Variants in PCDHGB6 observed in about 807,000 individuals in gnomAD.
PCDHGB6 encodes protocadherin gamma-B6.
In PCDHGB6, 51 loss-of-function variants were observed where a neutral mutation model predicts 59.1. The observed-to-expected ratio is 0.86, with a 90% CI of 0.69 to 1.09. The LOEUF is 1.09. Ranked by LOEUF, PCDHGB6 falls within the 50% of genes least tolerant of loss-of-function variation. The pLI is 0.00. For synonymous variants in PCDHGB6, 466 were observed against 495.1 expected, an observed-to-expected ratio of 0.94 and a Z score of 0.78; for missense variants, 1,148 against 1,205.1, an observed-to-expected ratio of 0.95 and a Z score of 0.70.
intron 1 of PCDHGB6, among the ~76,000 whole-genome samples, chr5:141,457,594 TA>T (rs1239366532): frequency 6.6e-6 from 1 of 152,250 alleles, no homozygotes; most frequent in Non-Finnish European, 1.5e-5. Flanking sequence ...TCATTTTTGG[TA>T]AAAACTAATT....
chr5:141,419,681 G>T (rs377117997), intron 1 of PCDHGB6: 89 of 1,612,904 alleles, frequency 5.5e-5, no homozygotes, highest in Non-Finnish European at 7.0e-5. Flanking sequence ...GTCCTACCAC[G>T]TGGTGCAGGC....
At chr5:141,501,402 G>T (rs527659990) in intron 2 of PCDHGB6, among the ~76,000 whole-genome samples, 1 of 151,622 alleles carries the variant, frequency 6.6e-6, no homozygotes, top group African/African-American at 2.4e-5. Context: ...ACAGGCCACT[G>T]CTTGGAAAAT....
At chr5:141,415,176 C>A in intron 1 of PCDHGB6, 2 of 1,613,934 alleles carry the variant, frequency 1.2e-6, no homozygotes, top group Non-Finnish European at 1.7e-6. Context: ...TCACCGTGGC[C>A]GTGGCCGACA....
At chr5:141,422,849 C>G in intron 1 of PCDHGB6, 1 of 1,614,238 alleles carries the variant, frequency 6.2e-7, no homozygotes, top group East Asian at 2.2e-5. Flanking sequence ...AGCGGGGACC[C>G]GCCCCTCAGC....
In PCDHGB6 at chr5:141,432,704, C is replaced by T; in HGVS notation, c.2418+22084C>T. ...GAGCCTCGTAGTGGCCGTCCAGGAC[C>T]ACGGCCAGCCCCCTCTCTCCGCCAC... is the stretch of plus-strand genomic sequence containing the variant. On this transcript the variant is annotated intron_variant, in intron 1 of 3. Coordinates refer to ENST00000520790, the MANE Select transcript of PCDHGB6 (RefSeq NM_018926.3). The surrounding 1 kb of genome is among the most constrained non-coding windows in gnomAD (Gnocchi z 6.0). The T allele has an allele frequency of 6.2e-7, 1 of 1,613,966 alleles. No homozygotes were observed. The highest frequency in any genetic ancestry group is 8.5e-7 in the Non-Finnish European group (1 of 1,179,976).
At chr5:141,426,116 G>A (rs1324245739) in intron 1 of PCDHGB6, among the ~76,000 whole-genome samples, 3 of 152,232 alleles carry the variant, frequency 2.0e-5, no homozygotes, top group African/African-American at 7.2e-5. Context: ...AAGCAAGTCG[G>A]AGAGTGGCCA....
chr5:141,503,024 A>G (rs574653661), intron 2 of PCDHGB6, among the ~76,000 whole-genome samples: 2 of 150,210 alleles, frequency 1.3e-5, no homozygotes, highest in South Asian at 2.1e-4. Context: ...TTTTTTTTTA[A>G]TATCTATTTT....
Position 141,408,313 on chromosome 5 carries a change from T to G in PCDHGB6, c.111T>G (p.Ile37Met), listed in dbSNP as rs375849626. 6.2e-7 allele frequency: 1 copy of G among 1,613,758 alleles called. No individual in the cohort carries two copies. The highest frequency in any genetic ancestry group is 1.3e-5 in the African/African-American group (1 of 75,012). ...PTLSEPIRYS[I>M]PEELAKGSVV... The stretch of plus-strand genomic sequence containing the variant: ...TGAGTGAGCCGATCCGCTACTCGAT[T>G]CCGGAGGAGCTGGCCAAGGGCTCGG... Residue 37 changes from isoleucine to methionine, a missense_variant, in exon 1 of 4, where the codon ATT (isoleucine) becomes ATG (methionine). Ile to Met is a conservative substitution (Grantham distance 10). Around this residue, in one of 5 missense-constraint regions of PCDHGB6, gnomAD observed 307 missense variants for 323.8 expected, o/e 0.95. Coordinates refer to ENST00000520790, the MANE Select transcript of PCDHGB6 (RefSeq NM_018926.3).
Position 141,432,979 on chromosome 5 carries a change from TGTGGGC to T in PCDHGB6, c.2418+22364_2418+22369del. 1 of 1,614,228 alleles carries T rather than the reference TGTGGGC, an allele frequency of 6.2e-7. No individual in the cohort carries two copies. On this transcript the variant is annotated intron_variant, in intron 1 of 3. Coordinates refer to ENST00000520790, the MANE Select transcript of PCDHGB6 (RefSeq NM_018926.3). The surrounding 1 kb of genome is among the most constrained non-coding windows in gnomAD (Gnocchi z 6.0). ...TGACAGGAGCGCCGGCGTCGCACTTTGTGGGCGTGGACGGGGTGCAGGCTTTCCTGC... is the reference window on the plus strand; with the variant it reads ...TGACAGGAGCGCCGGCGTCGCACTTTGTGGACGGGGTGCAGGCTTTCCTGC...
intron 1 of PCDHGB6, chr5:141,418,730 G>A (rs371887408): frequency 6.2e-6 from 10 of 1,613,832 alleles, no homozygotes; most frequent in African/African-American, 1.3e-5. Context: ...AGCTCAGCAC[G>A]TGTTCTCTCT....
chr5:141,433,106 G>C, intron 1 of PCDHGB6: 1 of 1,614,170 alleles, frequency 6.2e-7, no homozygotes, highest in Non-Finnish European at 8.5e-7. Flanking sequence ...CGTCAGCCAG[G>C]AGAGCTTTGA....
Position 141,409,903 on chromosome 5 carries a change from G to C in PCDHGB6, c.1701G>C (p.Leu567=), listed in dbSNP as rs570063514. 6.2e-6 allele frequency: 10 copies of C among 1,613,268 alleles called. No individual in the cohort carries two copies. The South Asian group carries it at 9.9e-5, about 16-fold the overall frequency. ...CACCGCGGGTGCTGTACCCAGCTCTGGGTCCTGACGGCTCCGCGTTCTTCG... is the reference window on the plus strand; with the variant it reads ...CACCGCGGGTGCTGTACCCAGCTCTCGGTCCTGACGGCTCCGCGTTCTTCG... ...DNAPRVLYPA[L]GPDGSAFFDM... The change falls in exon 1 of 4, where the codon CTG becomes CTC. Residue 567 remains leucine (L), a synonymous_variant. Coordinates refer to ENST00000520790, the MANE Select transcript of PCDHGB6 (RefSeq NM_018926.3).
intron 1 of PCDHGB6, among the ~76,000 whole-genome samples, chr5:141,492,920 G>A (rs2099745093): frequency 6.6e-6 from 1 of 152,198 alleles, no homozygotes; most frequent in African/African-American, 2.4e-5. Context: ...TGTGCCCAGC[G>A]ATCTAGGGTC....
chr5:141,433,357 G>GCCTA, intron 1 of PCDHGB6: 1 of 569,056 alleles, frequency 1.8e-6, no homozygotes, highest in Non-Finnish European at 3.1e-6. Context: ...CCTACTGTCT[G>GCCTA]CCTATCTATC....
At chr5:141,482,888 A>G (rs1012212528) in intron 1 of PCDHGB6, among the ~76,000 whole-genome samples, 3 of 152,208 alleles carry the variant, frequency 2.0e-5, no homozygotes, top group African/African-American at 7.2e-5. Context: ...CCTGGCCAAC[A>G]TGGTGAAACC....
intron 1 of PCDHGB6, chr5:141,417,543 C>T: frequency 6.5e-6 from 2 of 307,994 alleles, no homozygotes; most frequent in Non-Finnish European, 1.2e-5. Flanking sequence ...AAAAAAAATT[C>T]CTTGAAAGAG....
rs375719639 is a variant in PCDHGB6 at position 141,408,390 on chromosome 5, C to T, written c.188C>T (p.Ala63Val). The change falls in exon 1 of 4, where the codon GCT becomes GTT. Residue 63 changes from alanine to valine, a missense_variant. Around this residue, in one of 5 missense-constraint regions of PCDHGB6, gnomAD observed 307 missense variants for 323.8 expected, o/e 0.95. Coordinates refer to ENST00000520790, the MANE Select transcript of PCDHGB6 (RefSeq NM_018926.3). ...DLGLSVLDVS[A>V]RKLRVSAEKL... ...GGGCTCAGTGTCCTGGATGTGTCGGCTCGCAAGCTGCGAGTGAGCGCGGAG... is the reference window on the plus strand; with the variant it reads ...GGGCTCAGTGTCCTGGATGTGTCGGTTCGCAAGCTGCGAGTGAGCGCGGAG... The T allele has an allele frequency of 6.2e-7, 1 of 1,613,902 alleles. No individual in the cohort carries two copies. Among genetic ancestry groups the T allele is most frequent in the East Asian group, 2.2e-5 (1 of 44,890 alleles).
At chr5:141,416,245 C>T (rs1029299377) in intron 1 of PCDHGB6, 1 of 152,234 alleles carries the variant, frequency 6.6e-6, no homozygotes, top group Non-Finnish European at 1.5e-5. Flanking sequence ...CTATTTATAA[C>T]TGATAACACT....
intron 1 of PCDHGB6, chr5:141,413,395 G>C: frequency 6.2e-7 from 1 of 1,614,050 alleles, no homozygotes; most frequent in Non-Finnish European, 8.5e-7. Context: ...AGTCTCCAGA[G>C]GTAGGACGCA....
Sources: gnomAD v4.1 joint callset for allele counts (sites outside exome capture counted in the v4.1 genomes callset) on GRCh38, gnomAD v4.1.1 for gene constraint, gnomAD v4.1.1 regional missense constraint, Gnocchi (gnomAD v3.1) non-coding constraint, MANE v1.5 for transcripts, NCBI Gene and HGNC (gene_info 2026-07-23, HGNC 2026-07-21) for gene names.